MYO3B: variants seen among roughly 807,000 people sequenced by gnomAD.
MYO3B encodes myosin-IIIb.
A neutral mutation model predicts 174.6 loss-of-function variants in MYO3B; 156 were observed. That is an observed-to-expected ratio of 0.89 (90% CI 0.78 to 1.02). MYO3B has a LOEUF of 1.02. Ranked by LOEUF, MYO3B falls within the 50% of genes least tolerant of loss-of-function variation. The probability of loss-of-function intolerance (pLI) is 0.00; values close to 1 mark genes in which losing one functional copy is unlikely to be tolerated. For synonymous variants in MYO3B, 563 were observed against 569.1 expected, an observed-to-expected ratio of 0.99 and a Z score of 0.15; for missense variants, 1,632 against 1,639.4, an observed-to-expected ratio of 1.00 and a Z score of 0.08.
intron 7 of MYO3B, among the ~76,000 whole-genome samples, chr2:170,310,796 G>A (rs2093734457): frequency 6.6e-6 from 1 of 152,042 alleles, no homozygotes; most frequent in Non-Finnish European, 1.5e-5. Context: ...TAAAGACCTG[G>A]GATTAACAGA....
intron 7 of MYO3B, among the ~76,000 whole-genome samples, chr2:170,311,972 G>A (rs2093743035): frequency 6.6e-6 from 1 of 152,178 alleles, no homozygotes; most frequent in Non-Finnish European, 1.5e-5. Flanking sequence ...CGCTTCTTAT[G>A]CCGGTAATCA....
chr2:170,288,279 A>C (rs1220522669), intron 7 of MYO3B, among the ~76,000 whole-genome samples: 1 of 151,798 alleles, frequency 6.6e-6, no homozygotes, highest in Non-Finnish European at 1.5e-5. Context: ...TGGTATTCTA[A>C]TAGGGACTTC....
At chr2:170,219,336 T>G (rs1383034851) in intron 6 of MYO3B, among the ~76,000 whole-genome samples, 8 of 152,102 alleles carry the variant, frequency 5.3e-5, no homozygotes, top group Non-Finnish European at 1.2e-4. Context: ...TGATACAGAG[T>G]ACATGCTCAA....
At chr2:170,219,275 G>A (rs1340705547) in intron 6 of MYO3B, among the ~76,000 whole-genome samples, 1 of 152,190 alleles carries the variant, frequency 6.6e-6, no homozygotes, top group Non-Finnish European at 1.5e-5. Context: ...TCTCCCAACT[G>A]GACTCAGGTC....
rs1686971799 is a variant in MYO3B at position 170,497,741 on chromosome 2, C to G, written c.3015-851C>G. Among the ~76,000 whole-genome samples, 4 of 152,012 alleles carry G rather than the reference C, an allele frequency of 2.6e-5. No individual in the cohort carries two copies. In the South Asian group the frequency reaches 8.3e-4, roughly 32 times the overall value. The stretch of plus-strand genomic sequence containing the variant: ...ACGCATTTCTCTTGTTTATCTGTCT[C>G]TTGTTCTAGGGGCCTCAGCTGTGAA... On this transcript the variant is annotated intron_variant, in intron 25 of 34. Coordinates refer to ENST00000408978, the MANE Select transcript of MYO3B (RefSeq NM_138995.5).
chr2:170,185,843 G>T (rs192330869), intron 1 of MYO3B, among the ~76,000 whole-genome samples: 1 of 140,544 alleles, frequency 7.1e-6, no homozygotes, highest in Non-Finnish European at 1.6e-5. Flanking sequence ...TATAGTTTTC[G>T]TTGTAGAGAT....
chr2:170,272,848 G>A (rs1200287667), intron 7 of MYO3B, among the ~76,000 whole-genome samples: 4 of 152,036 alleles, frequency 2.6e-5, no homozygotes, highest in Admixed American at 6.6e-5. Context: ...CTTCAGTTTT[G>A]TACGTCTCAA....
rs530267520 is a variant in MYO3B, at chr2:170,258,021, A to G, written c.749+21885A>G. ...ACCTCCCAAAATTGAATCAGAAATT[A>G]ATTGAAACCCTAAACAGATCAATAA... On this transcript the variant is annotated intron_variant, in intron 7 of 34. Transcript: ENST00000408978. Among the ~76,000 whole-genome samples the G allele has an allele frequency of 2.0e-5, 3 of 152,310 alleles. No individual in the cohort carries two copies. The East Asian group carries it at 5.8e-4, about 29-fold the overall frequency.
chr2:170,484,741 T>A (rs1221382418), intron 25 of MYO3B, among the ~76,000 whole-genome samples: 1 of 152,156 alleles, frequency 6.6e-6, no homozygotes, highest in South Asian at 2.1e-4. Context: ...GGCTTTTTTT[T>A]AGGCAGCAGA....
intron 32 of MYO3B, among the ~76,000 whole-genome samples, chr2:170,649,148 TTA>T (rs1403146000): frequency 1.8e-4 from 12 of 68,522 alleles, no homozygotes; most frequent in Middle Eastern, 0.019. Flanking sequence ...ATATAATATA[TTA>T]TATATAAAAT....
intron 5 of MYO3B, 59 bp downstream of exon 5, chr2:170,214,887 T>C (rs183976488): frequency 7.8e-7 from 1 of 1,289,438 alleles, no homozygotes; most frequent in East Asian, 2.3e-5. Context: ...AGGGGACAAT[T>C]TATTGCAATC....
chr2:170,211,810 C>A (rs1238081085), intron 3 of MYO3B, among the ~76,000 whole-genome samples: 1 of 152,154 alleles, frequency 6.6e-6, no homozygotes, highest in South Asian at 2.1e-4. Context: ...GTTGGCCATA[C>A]AGGAAGTCAT....
intron 28 of MYO3B, among the ~76,000 whole-genome samples, chr2:170,504,493 A>G (rs1687495481): frequency 6.6e-6 from 1 of 152,216 alleles, no homozygotes; most frequent in South Asian, 2.1e-4. Flanking sequence ...ACTTCCTTTC[A>G]GAATTCCCGA....
intron 7 of MYO3B, among the ~76,000 whole-genome samples, chr2:170,302,864 T>C (rs1472196954): frequency 6.6e-6 from 1 of 152,246 alleles, no homozygotes; most frequent in Non-Finnish European, 1.5e-5. Context: ...TTTGGTGATA[T>C]GATGCAGCTA....
intron 25 of MYO3B, among the ~76,000 whole-genome samples, chr2:170,489,047 C>G (rs1162981224): frequency 6.6e-6 from 1 of 152,174 alleles, no homozygotes; most frequent in Admixed American, 6.5e-5. Flanking sequence ...ATCAGAAGTG[C>G]CTGCCAGAGT....
At chr2:170,511,676 G>A (rs1021592986) in intron 28 of MYO3B, among the ~76,000 whole-genome samples, 6 of 152,110 alleles carry the variant, frequency 3.9e-5, no homozygotes, top group Non-Finnish European at 8.8e-5. Context: ...ATTTGCTGTC[G>A]TTCCTTCTAA....
chr2:170,568,525 G>A (rs1173785262), intron 32 of MYO3B, among the ~76,000 whole-genome samples: 1 of 151,756 alleles, frequency 6.6e-6, no homozygotes, highest in Non-Finnish European at 1.5e-5. Flanking sequence ...GTGTGACTTT[G>A]TTTGGATCTT....
chr2:170,350,054 T>C (rs555554183), intron 8 of MYO3B, among the ~76,000 whole-genome samples: 1 of 152,204 alleles, frequency 6.6e-6, no homozygotes, highest in East Asian at 1.9e-4. Context: ...CAGGCTGGAT[T>C]GCAGTGGCGC....
At chr2:170,502,229 C>T (rs1332899712) in intron 28 of MYO3B, among the ~76,000 whole-genome samples, 9 of 152,176 alleles carry the variant, frequency 5.9e-5, no homozygotes, top group Admixed American at 5.9e-4. Flanking sequence ...GTCAGCATCG[C>T]ATACTGCCAC....
Sources: allele counts gnomAD v4.1 joint callset (sites outside exome capture counted in the v4.1 genomes callset), GRCh38; gene constraint gnomAD v4.1.1; transcripts MANE v1.5; gene names NCBI Gene and HGNC (gene_info 2026-07-23, HGNC 2026-07-21).